SBF2: variants seen among roughly 807,000 people sequenced by gnomAD.
SBF2 encodes SET binding factor 2.
Under a neutral mutation model 225.2 loss-of-function variants are expected in SBF2, and 112 were observed. That is an observed-to-expected ratio of 0.50 (90% CI 0.43 to 0.58). SBF2 has a LOEUF of 0.58. SBF2 is among the 20% of genes least tolerant of loss of function. The pLI, the probability that SBF2 is intolerant of heterozygous loss-of-function variation, is 0.00. For missense variants in SBF2, 1,996 were observed against 2,206.2 expected (o/e 0.90, Z 1.91); for synonymous variants, 763 against 773.3 (o/e 0.99, Z 0.22).
chr11:10,098,763 T>A lies in SBF2; in HGVS notation c.142-55782A>T, dbSNP rs560580248. ...GAACACCATAAATGAAATAAAAATG[T>A]AACGGCCAACTTCAATATCAGACTT... On this transcript the variant is annotated intron_variant, in intron 2 of 39. Coordinates refer to ENST00000256190, the MANE Select transcript of SBF2 (RefSeq NM_030962.4). 4.0e-5 allele frequency among the ~76,000 whole-genome samples: 6 copies of A among 148,618 alleles called. No individual in the cohort carries two copies. In the South Asian group the frequency reaches 1.1e-3, roughly 26 times the overall value.
Position 10,040,009 on chromosome 11 carries a change from G to A in SBF2, c.279+2835C>T, listed in dbSNP as rs182277073. Among the ~76,000 whole-genome samples, 20 of 151,872 alleles carry A rather than the reference G, an allele frequency of 1.3e-4. No homozygotes were observed. The South Asian group carries it at 3.3e-3, about 25-fold the overall frequency. On this transcript the variant is annotated intron_variant, in intron 3 of 39. Transcript: ENST00000256190. ...GAGTTCCTGCTTATAGTAAAAGGTC[G>A]ACTGCTGACTGCTAAAAATAGAGGG...
chr11:10,222,166 A>G (rs1958364167), intron 1 of SBF2, among the ~76,000 whole-genome samples: 1 of 152,212 alleles, frequency 6.6e-6, no homozygotes, highest in African/African-American at 2.4e-5. Context: ...ACAAGCATCA[A>G]CACTCTTTGG....
intron 2 of SBF2, among the ~76,000 whole-genome samples, chr11:10,133,844 GACTGCCAGC>G (rs1436638348): frequency 6.6e-6 from 1 of 152,216 alleles, no homozygotes; most frequent in Non-Finnish European, 1.5e-5. Context: ...GGGCTCTGAG[GACTGCCAGC>G]ACGCTGTCAC....
intron 17 of SBF2, among the ~76,000 whole-genome samples, chr11:9,861,762 C>T (rs1857768647): frequency 6.6e-6 from 1 of 152,148 alleles, no homozygotes; most frequent in South Asian, 2.1e-4. Flanking sequence ...CCCACCTCGG[C>T]CTTCCAAAGT....
rs571744395 is a variant in SBF2 at position 10,133,569 on chromosome 11, A to G, written c.141+60333T>C. On this transcript the variant is annotated intron_variant, in intron 2 of 39. Coordinates refer to ENST00000256190, the MANE Select transcript of SBF2 (RefSeq NM_030962.4). ...CTGGGTGCTAAGTCCCCCATTGCCC[A>G]GGGCCAGCAGGGCTGCCTGGCTGCT... Among the ~76,000 whole-genome samples, 123 of 136,058 alleles carry G rather than the reference A, an allele frequency of 9.0e-4. 24 individuals carry two copies. The highest frequency in any genetic ancestry group is 2.4e-3 in the South Asian group (10 of 4,232). The allele number at this position is 136,058 out of a possible 152,430, so 89.3% of individuals were successfully genotyped here. A position where few individuals can be genotyped will look rare whatever the true frequency, so the allele number is the denominator to read the frequency against.
intron 1 of SBF2, among the ~76,000 whole-genome samples, chr11:10,232,030 A>G (rs1416587270): frequency 3.9e-5 from 6 of 152,146 alleles, no homozygotes; most frequent in Admixed American, 2.0e-4. Context: ...CCCCAGCCTC[A>G]CTGCCGCCTT....
intron 1 of SBF2, among the ~76,000 whole-genome samples, chr11:10,283,233 G>A (rs961131622): frequency 6.6e-6 from 1 of 152,074 alleles, no homozygotes; most frequent in African/African-American, 2.4e-5. Flanking sequence ...TTAGCACAAT[G>A]CCTGGAAAGC....
chr11:10,033,196 T>C (rs1185565136), intron 3 of SBF2, among the ~76,000 whole-genome samples: 4 of 151,872 alleles, frequency 2.6e-5, no homozygotes, highest in African/African-American at 9.7e-5. Flanking sequence ...CATGGATTAC[T>C]AACTAATTCA....
intron 2 of SBF2, among the ~76,000 whole-genome samples, chr11:10,179,998 C>A (rs1956668138): frequency 2.0e-5 from 3 of 152,156 alleles, no homozygotes; most frequent in Admixed American, 1.3e-4. Context: ...AAACTCTATA[C>A]TTTAACTTTG....
intron 17 of SBF2, among the ~76,000 whole-genome samples, chr11:9,872,029 T>C (rs370997968): frequency 2.6e-5 from 4 of 152,176 alleles, no homozygotes; most frequent in South Asian, 2.1e-4. Flanking sequence ...CATATGTTCA[T>C]TGCAGCACTA....
At chr11:10,218,661 C>T (rs185870675) in intron 1 of SBF2, among the ~76,000 whole-genome samples, 1 of 152,262 alleles carries the variant, frequency 6.6e-6, no homozygotes, top group African/African-American at 2.4e-5. Flanking sequence ...AGCCATACCA[C>T]CCTGAATGCA....
intron 25 of SBF2, among the ~76,000 whole-genome samples, chr11:9,841,837 A>C (rs1488583579): frequency 6.6e-6 from 1 of 152,216 alleles, no homozygotes; most frequent in African/African-American, 2.4e-5. Context: ...CCTGGCCCAC[A>C]TAGGTTCTTT....
intron 2 of SBF2, among the ~76,000 whole-genome samples, chr11:10,186,066 G>A (rs1956924899): frequency 1.3e-5 from 2 of 152,088 alleles, no homozygotes; most frequent in Admixed American, 6.6e-5. Context: ...AATCTTCCAG[G>A]CTATTTGTTA....
chr11:10,195,637 C>A (rs1468479203), intron 1 of SBF2, among the ~76,000 whole-genome samples: 3 of 152,162 alleles, frequency 2.0e-5, no homozygotes, highest in Non-Finnish European at 2.9e-5. Context: ...TTCTCCCTTG[C>A]CCCTCACCTA....
At chr11:10,057,705 G>C (rs1023701465) in intron 2 of SBF2, among the ~76,000 whole-genome samples, 8 of 152,130 alleles carry the variant, frequency 5.3e-5, no homozygotes, top group African/African-American at 1.9e-4. Flanking sequence ...GGGCAGCCCA[G>C]GAGTACCAAG....
chr11:10,125,329 C>T (rs1306611919), intron 2 of SBF2, among the ~76,000 whole-genome samples: 1 of 151,886 alleles, frequency 6.6e-6, no homozygotes, highest in Non-Finnish European at 1.5e-5. Flanking sequence ...CATATTTTCC[C>T]TTTTTTGCTA....
chr11:10,187,075 T>C lies in SBF2; in HGVS notation c.141+6827A>G, dbSNP rs77051405. Among the ~76,000 whole-genome samples, 563 of 152,304 alleles carry C rather than the reference T, an allele frequency of 3.7e-3. 4 individuals carry two copies. The highest frequency in any genetic ancestry group is 0.013 in the African/African-American group (537 of 41,554). ...CAATCTCCTATTACAGCTAACTGGC[T>C]TTGTGATTGACTTCTGATTAATAGA... On this transcript the variant is annotated intron_variant, in intron 2 of 39. Coordinates refer to ENST00000256190, the MANE Select transcript of SBF2 (RefSeq NM_030962.4).
chr11:9,854,841 T>G (rs1399891481), intron 19 of SBF2, among the ~76,000 whole-genome samples: 1 of 152,120 alleles, frequency 6.6e-6, no homozygotes, highest in Non-Finnish European at 1.5e-5. Flanking sequence ...TCCTCCCACT[T>G]CGGTCTCCCA....
intron 16 of SBF2, among the ~76,000 whole-genome samples, chr11:9,918,080 G>C (rs769174870): frequency 1.7e-4 from 26 of 149,160 alleles, no homozygotes; most frequent in Non-Finnish European, 2.6e-4. Flanking sequence ...TGAAATAGGC[G>C]CATCTAGGGA....
Sources: gnomAD v4.1 joint callset for allele counts (sites outside exome capture counted in the v4.1 genomes callset) on GRCh38, gnomAD v4.1.1 for gene constraint, MANE v1.5 for transcripts, NCBI Gene and HGNC (gene_info 2026-07-23, HGNC 2026-07-21) for gene names.